Variants in HDAC9 observed in about 807,000 individuals in gnomAD.
HDAC9 encodes histone deacetylase 9.
In HDAC9, 41 loss-of-function variants were observed where a neutral mutation model predicts 139.4. The ratio of observed to expected loss-of-function variants is 0.29; its 90% confidence interval spans 0.23 to 0.38. The LOEUF is 0.38. HDAC9 is among the 10% of genes least tolerant of loss of function. HDAC9 has a pLI of 1.00. For missense variants in HDAC9, 1,147 were observed against 1,297.0 expected (o/e 0.88, Z 1.78); for synonymous variants, 517 against 476.2 (o/e 1.09, Z -1.12).
chr7:18,723,425 C>T (rs1785287256), intron 12 of HDAC9, among the ~76,000 whole-genome samples: 1 of 152,158 alleles, frequency 6.6e-6, no homozygotes. Flanking sequence ...CCTTAATCTC[C>T]TTTGCTGTCT....
intron 8 of HDAC9, among the ~76,000 whole-genome samples, chr7:18,642,833 A>C (rs555323851): frequency 6.6e-4 from 101 of 152,092 alleles, no homozygotes; most frequent in Non-Finnish European, 1.2e-3. Context: ...ATATCACAGA[A>C]ATTCTCTCTG....
At chr7:18,732,549 G>A (rs1172485573) in intron 13 of HDAC9, among the ~76,000 whole-genome samples, 1 of 3,848 alleles carries the variant, frequency 2.6e-4, no homozygotes, top group Non-Finnish European at 3.6e-4. Context: ...TGTATATAAT[G>A]TATATACACA....
intron 8 of HDAC9, among the ~76,000 whole-genome samples, chr7:18,643,856 A>G (rs1307264757): frequency 6.6e-6 from 1 of 152,078 alleles, no homozygotes; most frequent in Admixed American, 6.6e-5. Context: ...ATATCAGGCC[A>G]GAGTTCCTTA....
At chr7:18,616,337 A>G (rs1298255057) in intron 6 of HDAC9, among the ~76,000 whole-genome samples, 1 of 152,166 alleles carries the variant, frequency 6.6e-6, no homozygotes, top group Non-Finnish European at 1.5e-5. Flanking sequence ...TCTGCAGTGT[A>G]CTTTGACTTA....
chr7:18,645,646 A>G (rs1164337973), intron 9 of HDAC9, among the ~76,000 whole-genome samples: 1 of 152,160 alleles, frequency 6.6e-6, no homozygotes, highest in Admixed American at 6.5e-5. Flanking sequence ...TTTTAGTTGT[A>G]AAAAATGTGT....
intron 1 of HDAC9, among the ~76,000 whole-genome samples, chr7:18,091,727 C>T (rs552665326): frequency 1.2e-3 from 187 of 152,292 alleles, no homozygotes; most frequent in Middle Eastern, 0.01. Flanking sequence ...GCTAGGGCTG[C>T]AATCCCAACA....
intron 1 of HDAC9, among the ~76,000 whole-genome samples, chr7:18,481,816 T>A (rs903623128): frequency 6.6e-6 from 1 of 152,198 alleles, no homozygotes; most frequent in African/African-American, 2.4e-5. Flanking sequence ...CCAGGCTAGA[T>A]TACTTGCCTT....
rs1008405760 is a variant in HDAC9, at chr7:18,997,465, C to G, written c.*1403C>G. 6.6e-6 allele frequency: 1 copy of G among 152,116 alleles called. No individual in the cohort carries two copies. The highest frequency in any genetic ancestry group is 1.5e-5 in the Non-Finnish European group (1 of 67,998). The allele number at this position is 152,116 out of a possible 1,614,324, so 9.4% of individuals were successfully genotyped here. A position where few individuals can be genotyped will look rare whatever the true frequency, so the allele number is the denominator to read the frequency against. On this transcript the variant is annotated 3_prime_UTR_variant, in exon 26 of 26. Transcript: ENST00000686413. ...TCGATTTCAACATATAACTCAAACACCTAAACATATTGAGGTAGAATATCT... is the reference window on the plus strand; with the variant it reads ...TCGATTTCAACATATAACTCAAACAGCTAAACATATTGAGGTAGAATATCT...
At chr7:18,863,879 G>A (rs1404067551) in intron 21 of HDAC9, among the ~76,000 whole-genome samples, 1 of 152,176 alleles carries the variant, frequency 6.6e-6, no homozygotes, top group East Asian at 1.9e-4. Context: ...TCAGGCGAAG[G>A]GAACAGCCAG....
At chr7:18,676,568 C>G (rs1197287351) in intron 12 of HDAC9, among the ~76,000 whole-genome samples, 1 of 151,806 alleles carries the variant, frequency 6.6e-6, no homozygotes, top group Non-Finnish European at 1.5e-5. Flanking sequence ...CTATCAAATC[C>G]TTTTTTAAAA....
At chr7:18,130,138 G>T (rs985057411) in intron 1 of HDAC9, among the ~76,000 whole-genome samples, 1 of 152,122 alleles carries the variant, frequency 6.6e-6, no homozygotes, top group African/African-American at 2.4e-5. Flanking sequence ...ATATATACCA[G>T]TTGAGCAGCC....
At chr7:18,402,270 C>T (rs1423088505) in intron 1 of HDAC9, among the ~76,000 whole-genome samples, 1 of 152,096 alleles carries the variant, frequency 6.6e-6, no homozygotes, top group Non-Finnish European at 1.5e-5. Context: ...ACAGTAAGCT[C>T]AAATTGTTCT....
chr7:18,783,452 A>G (rs1168825967), intron 16 of HDAC9, among the ~76,000 whole-genome samples: 4 of 152,152 alleles, frequency 2.6e-5, no homozygotes, highest in Admixed American at 6.6e-5. Flanking sequence ...TACAAAAGAC[A>G]TAGAACATAA....
chr7:18,648,251 G>T (rs561853214), intron 10 of HDAC9, among the ~76,000 whole-genome samples: 1 of 151,992 alleles, frequency 6.6e-6, no homozygotes, highest in Non-Finnish European at 1.5e-5. Context: ...GGTCAGATGC[G>T]TACCTGTCCA....
intron 2 of HDAC9, among the ~76,000 whole-genome samples, chr7:18,207,435 C>T (rs979161164): frequency 3.3e-5 from 5 of 150,836 alleles, no homozygotes; most frequent in Non-Finnish European, 7.4e-5. Context: ...AAGATAGGTT[C>T]TCACTCTATC....
At chr7:18,765,625 T>G (rs1789769160) in intron 15 of HDAC9, among the ~76,000 whole-genome samples, 1 of 152,112 alleles carries the variant, frequency 6.6e-6, no homozygotes, top group African/African-American at 2.4e-5. Flanking sequence ...TAACTTACTA[T>G]GTTATCATAT....
chr7:18,688,398 G>A (rs993383960), intron 12 of HDAC9, among the ~76,000 whole-genome samples: 2 of 151,822 alleles, frequency 1.3e-5, no homozygotes, highest in African/African-American at 4.8e-5. Flanking sequence ...TGAATAATGT[G>A]CAAATTTACA....
chr7:18,104,828 T>A (rs1783099564), intron 1 of HDAC9, among the ~76,000 whole-genome samples: 1 of 152,152 alleles, frequency 6.6e-6, no homozygotes, highest in South Asian at 2.1e-4. Context: ...CATGTTTTGT[T>A]GATGCCACAC....
intron 2 of HDAC9, among the ~76,000 whole-genome samples, chr7:18,576,775 A>G (rs1303503690): frequency 6.6e-6 from 1 of 152,202 alleles, no homozygotes; most frequent in Non-Finnish European, 1.5e-5. Flanking sequence ...AAAAAAAAAT[A>G]CAGGGATACT....
Sources: gnomAD v4.1 joint callset for allele counts (sites outside exome capture counted in the v4.1 genomes callset) on GRCh38, gnomAD v4.1.1 for gene constraint, MANE v1.5 for transcripts, NCBI Gene and HGNC (gene_info 2026-07-23, HGNC 2026-07-21) for gene names.